PDGFB: variants seen among roughly 807,000 people sequenced by gnomAD.
PDGFB encodes the protein platelet derived growth factor subunit B, also known as platelet-derived growth factor subunit B.
In PDGFB, 6 loss-of-function variants were observed where a neutral mutation model predicts 29.0. The ratio of observed to expected loss-of-function variants is 0.21; its 90% CI spans 0.11 to 0.41. The LOEUF (loss-of-function observed/expected upper bound fraction) is 0.41, where lower values mean the gene tolerates loss of function less well. PDGFB is among the 10% of genes least tolerant of loss of function. The pLI, the probability that PDGFB is intolerant of heterozygous loss-of-function variation, is 1.00. For missense variants in PDGFB, 299 were observed against 341.8 expected, an observed-to-expected ratio of 0.87 and a Z score of 0.99; for synonymous variants, 144 against 140.8, an observed-to-expected ratio of 1.02 and a Z score of -0.16.
intron 1 of PDGFB, chr22:39,241,017 A>G: frequency 1.1e-6 from 1 of 879,624 alleles, no homozygotes; most frequent in Non-Finnish European, 1.8e-6. Flanking sequence ...GCACACCTCC[A>G]GGGCTCTGGG....
chr22:39,236,368 G>C (rs1339014762), intron 1 of PDGFB, among the ~76,000 whole-genome samples: 1 of 152,214 alleles, frequency 6.6e-6, no homozygotes, highest in Non-Finnish European at 1.5e-5. Context: ...GTACTCCCAG[G>C]CTCCTGGGTA....
In PDGFB at chr22:39,231,664, G is replaced by C. The variant is rs142944132; in HGVS notation, c.414C>G (p.Asn138Lys). Residue 138 changes from asparagine (N) to lysine (K), a missense_variant, in exon 4 of 7, where the codon AAC (asparagine) becomes AAG (lysine). Coordinates refer to ENST00000331163, the MANE Select transcript of PDGFB (RefSeq NM_002608.4). This position sits in a 1 kb window ranked among gnomAD's most constrained non-coding sequence, Gnocchi z 4.3. ...GCACCTGGGTGGGGCGGCACTGCAC[G>C]TTGCGGTTGTTGCAGCAGCCGGAGC... ...QRCSGCCNNRNVQCRPTQVQL... is the reference protein window; with the variant it reads ...QRCSGCCNNRKVQCRPTQVQL... The C allele has an allele frequency of 6.3e-7, 1 of 1,590,470 alleles. No homozygotes were observed. Among genetic ancestry groups the C allele is most frequent in the Non-Finnish European group, 8.6e-7 (1 of 1,169,492 alleles).
At chr22:39,237,978 C>G (rs533780837) in intron 1 of PDGFB, among the ~76,000 whole-genome samples, 1 of 152,324 alleles carries the variant, frequency 6.6e-6, no homozygotes, top group East Asian at 1.9e-4. Context: ...ATTCAATTAA[C>G]CCCCCAGGGG....
At position 39,230,217 on chromosome 22, in the gene PDGFB, G is replaced by C; in HGVS notation, c.468C>G (p.Ile156Met). ...AGATTGGCTTCTTCCGCACAATCTC[G>C]ATCTTTCTCACCTGGAGGACAGAGC... ...VQLRPVQVRK[I>M]EIVRKKPIFK... Residue 156 changes from isoleucine (I) to methionine (M), a missense_variant, in exon 5 of 7, where the codon ATC becomes ATG. Ile to Met is a conservative substitution (Grantham distance 10). Transcript: ENST00000331163. 6.2e-7 allele frequency: 1 copy of C among 1,613,840 alleles called. No homozygotes were observed. The highest frequency in any genetic ancestry group is 1.3e-5 in the African/African-American group (1 of 75,036).
chr22:39,237,302 G>T (rs1932468563), intron 1 of PDGFB, among the ~76,000 whole-genome samples: 1 of 129,722 alleles, frequency 7.7e-6, no homozygotes, highest in Non-Finnish European at 1.6e-5. Flanking sequence ...AGGGCGGGGG[G>T]TGGGGGTGAC....
At chr22:39,239,285 C>T (rs1025536926) in intron 1 of PDGFB, among the ~76,000 whole-genome samples, 1 of 152,060 alleles carries the variant, frequency 6.6e-6, no homozygotes, top group African/African-American at 2.4e-5. Context: ...GCTGCCTGCC[C>T]ATGAAAGAGT....
In PDGFB at chr22:39,223,694, T is replaced by C. The variant is rs1307153872; in HGVS notation, c.*1648A>G. 6.5e-6 allele frequency: 1 copy of C among 152,796 alleles called. No homozygotes were observed. The highest frequency in any genetic ancestry group is 1.9e-4 in the East Asian group (1 of 5,332). 9.5% of individuals were successfully genotyped at this position (152,796 alleles called of 1,614,324 possible). A position where few individuals can be genotyped will look rare whatever the true frequency, so the allele number is the denominator to read the frequency against. ...CCTCCGGCGGATTCATTTGGTTTTG[T>C]TTTGTGGTTATTTTTTTTTACAACT... On this transcript the variant is annotated 3_prime_UTR_variant, in exon 7 of 7. Coordinates refer to ENST00000331163, the MANE Select transcript of PDGFB (RefSeq NM_002608.4).
Position 39,231,962 on chromosome 22 carries a change from T to C in PDGFB, c.251-135A>G, listed in dbSNP as rs1435445905. The stretch of plus-strand genomic sequence containing the variant: ...ACCCCAGGGTTCAGGTTTCAAGTCC[T>C]GGCTGTCATTAGCCATGGGACTTGG... On this transcript the variant is annotated intron_variant, in intron 3 of 6. Coordinates refer to ENST00000331163, the MANE Select transcript of PDGFB (RefSeq NM_002608.4). The surrounding 1 kb of genome is among the most constrained non-coding windows in gnomAD (Gnocchi z 4.3). 6 of 697,994 alleles carry C rather than the reference T, an allele frequency of 8.6e-6. No homozygotes were observed. The Admixed American group carries it at 1.3e-4, about 16-fold the overall frequency. 43.2% of individuals were successfully genotyped at this position (697,994 alleles called of 1,614,324 possible). A position where few individuals can be genotyped will look rare whatever the true frequency, so the allele number is the denominator to read the frequency against.
intron 2 of PDGFB, 46 bp downstream of exon 2, chr22:39,235,732 A>G (rs1932425157): frequency 1.4e-6 from 2 of 1,380,392 alleles, no homozygotes; most frequent in African/African-American, 1.4e-5. Context: ...CAGATCTCTT[A>G]AAGTCTCCTC....
chr22:39,242,851 C>CA lies in PDGFB; in HGVS notation c.63+1049dup. The CA allele has an allele frequency of 4.3e-6, 1 of 232,406 alleles. No individual in the cohort carries two copies. The highest frequency in any genetic ancestry group is 8.5e-6 in the Non-Finnish European group (1 of 117,472). The allele number at this position is 232,406 out of a possible 1,614,324, so 14.4% of individuals were successfully genotyped here. A position where few individuals can be genotyped will look rare whatever the true frequency, so the allele number is the denominator to read the frequency against. ...AGCCGGGCGGAGGTGGGACGGTACC[C>CA]AGTCACGCCGCGCTCCCGGCTGCCC... On this transcript the variant is annotated intron_variant, in intron 1 of 6. Transcript: ENST00000331163. This position sits in a 1 kb window ranked among gnomAD's most constrained non-coding sequence, Gnocchi z 5.7.
intron 1 of PDGFB, among the ~76,000 whole-genome samples, chr22:39,236,287 A>C (rs541397043): frequency 6.6e-6 from 1 of 152,364 alleles, no homozygotes; most frequent in South Asian, 2.1e-4. Context: ...GGGGAAAACA[A>C]ACGTTCAAAG....
In PDGFB at chr22:39,243,891, G is replaced by A. The variant is rs199762041; in HGVS notation, c.63+10C>T. ...ATGAAGAACCAGCCCCAGCCGCCGT[G>A]GCAACTCACCTCGGCGCTGACCAGA... On this transcript the variant is annotated intron_variant, in intron 1 of 6. Transcript: ENST00000331163. The surrounding 1 kb of genome is among the most constrained non-coding windows in gnomAD (Gnocchi z 6.4). 5.6e-5 allele frequency: 89 copies of A among 1,599,880 alleles called. No individual in the cohort carries two copies. In the African/African-American group the frequency reaches 1.1e-3, roughly 19 times the overall value.
intron 1 of PDGFB, chr22:39,240,894 GTCTCTCTCTC>G: frequency 2.0e-6 from 3 of 1,480,324 alleles, no homozygotes; most frequent in Non-Finnish European, 1.9e-6. Flanking sequence ...TGCTCAGTCA[GTCTCTCTCTC>G]TCTCTCTCTC....
intron 2 of PDGFB, 141 bp from the exon 3 acceptor site, chr22:39,233,665 C>G: frequency 1.8e-6 from 1 of 558,476 alleles, no homozygotes; most frequent in Non-Finnish European, 3.1e-6. Context: ...CATAAATGCA[C>G]GGGTCCTGGC....
rs1018358988 is a variant in PDGFB at position 39,224,950 on chromosome 22, A to T, written c.*392T>A. ...AGGCAGGCTATGCTGAGAGGTCCTC[A>T]GGGCTCCTCAGGACAGTCCACAGCG... On this transcript the variant is annotated 3_prime_UTR_variant, in exon 7 of 7. Coordinates refer to ENST00000331163, the MANE Select transcript of PDGFB (RefSeq NM_002608.4). The T allele has an allele frequency of 2.6e-5, 4 of 152,488 alleles. No homozygotes were observed. The highest frequency in any genetic ancestry group is 4.4e-5 in the Non-Finnish European group (3 of 68,160). 9.4% of individuals were successfully genotyped at this position (152,488 alleles called of 1,614,324 possible). A position where few individuals can be genotyped will look rare whatever the true frequency, so the allele number is the denominator to read the frequency against.
intron 1 of PDGFB, chr22:39,240,874 T>C: frequency 6.2e-7 from 1 of 1,613,450 alleles, no homozygotes; most frequent in Non-Finnish European, 8.5e-7. Flanking sequence ...GATAAACATC[T>C]CACCATTCCT....
In PDGFB at chr22:39,231,832, G is replaced by A. The variant is rs1231275483; in HGVS notation, c.251-5C>T. The stretch of plus-strand genomic sequence containing the variant: ...GCTCAGCAATGGTCAGGGAACCTGG[G>A]AGGAGACGAAACCTGGGTCAGGAGC... On this transcript the variant is annotated splice_polypyrimidine_tract_variant and splice_region_variant and intron_variant, in intron 3 of 6. Coordinates refer to ENST00000331163, the MANE Select transcript of PDGFB (RefSeq NM_002608.4). This position sits in a 1 kb window ranked among gnomAD's most constrained non-coding sequence, Gnocchi z 4.3. 3 of 1,611,496 alleles carry A rather than the reference G, an allele frequency of 1.9e-6. 1 individual carries two copies. The Admixed American group carries it at 5.0e-5, about 27-fold the overall frequency.
rs1008368911 is a variant in PDGFB, at chr22:39,232,768, G to A, written c.250+667C>T. 3.3e-5 allele frequency among the ~76,000 whole-genome samples: 5 copies of A among 152,126 alleles called. No homozygotes were observed. The South Asian group carries it at 6.2e-4, about 19-fold the overall frequency. On this transcript the variant is annotated intron_variant, in intron 3 of 6. Coordinates refer to ENST00000331163, the MANE Select transcript of PDGFB (RefSeq NM_002608.4). ...CTCCCAAAGTGCTAGGATTACAGGC[G>A]TGAGCCACCATGCCCGGCCCAGGCC...
At chr22:39,233,137 A>C (rs554427338) in intron 3 of PDGFB, among the ~76,000 whole-genome samples, 1 of 152,312 alleles carries the variant, frequency 6.6e-6, no homozygotes, top group Non-Finnish European at 1.5e-5. Context: ...TCTGGGCCCC[A>C]GTTTCCAACT....
Sources: gnomAD v4.1 joint callset for allele counts (sites outside exome capture counted in the v4.1 genomes callset) on GRCh38, gnomAD v4.1.1 for gene constraint, Gnocchi (gnomAD v3.1) non-coding constraint, MANE v1.5 for transcripts, NCBI Gene and HGNC (gene_info 2026-07-23, HGNC 2026-07-21) for gene names.